The following RGPD6 variants were observed in gnomAD, a reference collection of about 807,000 sequenced individuals.
The protein encoded by RGPD6 is RANBP2-like and GRIP domain-containing protein 5/6.
the RGPD6 span, among the ~76,000 whole-genome samples, chr2:110,607,254 CA>C: frequency 1.3e-5 from 2 of 151,354 alleles, no homozygotes; most frequent in African/African-American, 4.9e-5. Flanking sequence ...CTCTACAGAA[CA>C]AAGCTACAGT....
At chr2:110,593,023 A>G in the RGPD6 span, among the ~76,000 whole-genome samples, 1 of 147,884 alleles carries the variant, frequency 6.8e-6, no homozygotes, top group Admixed American at 6.7e-5. Context: ...CGTTCTTAAC[A>G]AGAAAATCAC....
the RGPD6 span, among the ~76,000 whole-genome samples, chr2:110,605,387 GCAGCTCTGCAGA>G: frequency 3.3e-5 from 5 of 150,856 alleles, no homozygotes; most frequent in Non-Finnish European, 5.9e-5. Context: ...GTGAGTACAC[GCAGCTCTGCAGA>G]GCTGCTGTCT....
chr2:110,610,181 G>GA, the RGPD6 span, among the ~76,000 whole-genome samples: 1 of 108,346 alleles, frequency 9.2e-6, no homozygotes, highest in Non-Finnish European at 1.9e-5. Context: ...TCCCGCCCTG[G>GA]ATGTTCACTT....
At chr2:110,607,574 T>C in the RGPD6 span, among the ~76,000 whole-genome samples, 2 of 149,962 alleles carry the variant, frequency 1.3e-5, no homozygotes, top group Non-Finnish European at 2.9e-5. Flanking sequence ...ATATTTTCTA[T>C]ACAGTCATTT....
chr2:110,607,684 T>C, the RGPD6 span, among the ~76,000 whole-genome samples: 1 of 147,626 alleles, frequency 6.8e-6, no homozygotes, highest in Non-Finnish European at 1.5e-5. Context: ...ATGATGTCCA[T>C]CAATTAGAAA....
chr2:110,604,605 T>C, the RGPD6 span, among the ~76,000 whole-genome samples: 1 of 151,572 alleles, frequency 6.6e-6, no homozygotes, highest in Non-Finnish European at 1.5e-5. Flanking sequence ...AAAATTATGT[T>C]ACCATTAAAT....
the RGPD6 span, among the ~76,000 whole-genome samples, chr2:110,600,787 G>T: frequency 2.1e-5 from 2 of 95,926 alleles, no homozygotes; most frequent in Non-Finnish European, 4.6e-5. Context: ...GGGAGGCGGA[G>T]ATCAGGCAGT....
the RGPD6 span, among the ~76,000 whole-genome samples, chr2:110,604,119 CGTAA>C: frequency 1.5e-5 from 2 of 131,320 alleles, no homozygotes; most frequent in South Asian, 5.6e-4. Flanking sequence ...GTAGTACCAC[CGTAA>C]GTAAGAGCAT....
At chr2:110,600,168 T>C in the RGPD6 span, among the ~76,000 whole-genome samples, 24 of 125,806 alleles carry the variant, frequency 1.9e-4, no homozygotes, top group South Asian at 7.0e-3. Context: ...GACTTCATCC[T>C]AGACAGTCAC....
chr2:110,604,469 G>A, the RGPD6 span, among the ~76,000 whole-genome samples: 12 of 139,948 alleles, frequency 8.6e-5, no homozygotes, highest in Admixed American at 4.9e-4. Flanking sequence ...GAGCTGCCCA[G>A]GGCCAAACAG....
the RGPD6 span, among the ~76,000 whole-genome samples, chr2:110,603,852 T>A: frequency 1.3e-5 from 2 of 148,864 alleles, no homozygotes; most frequent in African/African-American, 5.0e-5. Context: ...TTCAAACACT[T>A]AAGGCCCCTA....
At chr2:110,601,920 CTCTTG>C in the RGPD6 span, among the ~76,000 whole-genome samples, 1 of 117,668 alleles carries the variant, frequency 8.5e-6, no homozygotes, top group Non-Finnish European at 1.7e-5. Flanking sequence ...GTCTGGGTTT[CTCTTG>C]TCAGTAGCAG....
At chr2:110,607,230 C>T in the RGPD6 span, among the ~76,000 whole-genome samples, 1 of 150,968 alleles carries the variant, frequency 6.6e-6, no homozygotes, top group Non-Finnish European at 1.5e-5. Context: ...CACGGAATGC[C>T]CAACTCTTCA....
At chr2:110,596,653 T>C in the RGPD6 span, among the ~76,000 whole-genome samples, 1 of 147,758 alleles carries the variant, frequency 6.8e-6, no homozygotes, top group African/African-American at 2.5e-5. Context: ...AGAGGTTTTA[T>C]GGAGTATACA....
the RGPD6 span, among the ~76,000 whole-genome samples, chr2:110,589,564 T>G: frequency 6.6e-6 from 1 of 150,630 alleles, no homozygotes; most frequent in South Asian, 2.1e-4. Context: ...CTGACTCCAC[T>G]GTGCCATGAG....
the RGPD6 span, among the ~76,000 whole-genome samples, chr2:110,599,868 ACT>A: frequency 9.5e-6 from 1 of 105,432 alleles, no homozygotes; most frequent in African/African-American, 3.3e-5. Flanking sequence ...CAAAGATTAA[ACT>A]CTACTTATTG....
the RGPD6 span, among the ~76,000 whole-genome samples, chr2:110,593,047 A>G: frequency 6.8e-6 from 1 of 148,058 alleles, no homozygotes; most frequent in Non-Finnish European, 1.5e-5. Flanking sequence ...TGTTGAGATA[A>G]TAGAAAAGCT....
intron 1 of RGPD6, 58 bp downstream of exon 1, chr2:110,576,891 GCCCC>G (rs1196849287): frequency 4.3e-6 from 3 of 693,404 alleles, no homozygotes; most frequent in East Asian, 1.1e-4. Context: ...CGCCGCCGCC[GCCCC>G]CCCCCTCCCC....
At chr2:110,593,260 T>C in the RGPD6 span, among the ~76,000 whole-genome samples, 1 of 148,256 alleles carries the variant, frequency 6.7e-6, no homozygotes. Flanking sequence ...AGCTCAACCC[T>C]AGGGCCTTAC....
Sources: gnomAD v4.1 joint callset for allele counts (sites outside exome capture counted in the v4.1 genomes callset) on GRCh38, gnomAD v4.1.1 for gene constraint, MANE v1.5 for transcripts, NCBI Gene and HGNC (gene_info 2026-07-23, HGNC 2026-07-21) for gene names.